FLVCR2: variants seen among roughly 807,000 people sequenced by gnomAD.
FLVCR2 encodes the protein FLVCR choline and putative heme transporter 2.
FLVCR2 carries 38 observed loss-of-function variants against 48.9 expected under a neutral mutation model. The observed-to-expected ratio is 0.78, with a 90% CI of 0.60 to 1.02. FLVCR2 has a LOEUF of 1.02. Among genes scored for constraint, FLVCR2 ranks in the 50% least tolerant of loss-of-function variants. The pLI, the probability that FLVCR2 is intolerant of heterozygous loss-of-function variation, is 0.00. For synonymous variants in FLVCR2, 255 were observed against 257.0 expected, an observed-to-expected ratio of 0.99 and a Z score of 0.07; for missense variants, 664 against 663.3, an observed-to-expected ratio of 1.00 and a Z score of -0.01.
At chr14:75,634,055 A>T (rs1890106684) in intron 4 of FLVCR2, among the ~76,000 whole-genome samples, 1 of 152,032 alleles carries the variant, frequency 6.6e-6, no homozygotes, top group Non-Finnish European at 1.5e-5. Flanking sequence ...TGTATTTATT[A>T]TACAGCATAG....
chr14:75,584,699 C>T (rs918303585), intron 1 of FLVCR2, among the ~76,000 whole-genome samples: 1 of 152,150 alleles, frequency 6.6e-6, no homozygotes, highest in African/African-American at 2.4e-5. Flanking sequence ...GTGAAGCCGG[C>T]AGTTATCAGC....
chr14:75,596,883 T>C (rs1716219641), intron 1 of FLVCR2, among the ~76,000 whole-genome samples: 1 of 151,094 alleles, frequency 6.6e-6, no homozygotes, highest in South Asian at 2.1e-4. Flanking sequence ...ATCATACTTG[T>C]CCTTCTGTAG....
rs777033551 is a variant in FLVCR2 at position 75,630,254 on chromosome 14, A to G, written c.953-3375A>G. ...ATTCTGACTTGCAGCAGAGTTGAGAACCTCTGAGGTAGCTGTGTGATGGGT... is the reference window on the plus strand; with the variant it reads ...ATTCTGACTTGCAGCAGAGTTGAGAGCCTCTGAGGTAGCTGTGTGATGGGT... On this transcript the variant is annotated intron_variant, in intron 3 of 9. Transcript: ENST00000238667. Among the ~76,000 whole-genome samples the G allele has an allele frequency of 4.1e-4, 63 of 152,140 alleles. 2 individuals carry two copies. In the Middle Eastern group the frequency reaches 0.014, roughly 33 times the overall value.
intron 1 of FLVCR2, among the ~76,000 whole-genome samples, chr14:75,612,050 T>A (rs977412941): frequency 1.3e-5 from 2 of 152,080 alleles, no homozygotes; most frequent in African/African-American, 4.8e-5. Context: ...GCCAATTTCC[T>A]CCACTTTAAA....
chr14:75,579,652 C>G lies in FLVCR2; in HGVS notation c.669+11C>G. 6.2e-7 allele frequency: 1 copy of G among 1,614,008 alleles called. No homozygotes were observed. The highest frequency in any genetic ancestry group is 8.5e-7 in the Non-Finnish European group (1 of 1,179,968). ...GTCTTTGGCAATCAGGTAGGTAGAA[C>G]AGTTTGTGAATGTTCCCAGGGGCGT... On this transcript the variant is annotated intron_variant, in intron 1 of 9. Transcript: ENST00000238667.
At chr14:75,592,688 T>TTAGAAATTTTTCTGCC (rs1167297825) in intron 1 of FLVCR2, among the ~76,000 whole-genome samples, 2 of 152,214 alleles carry the variant, frequency 1.3e-5, no homozygotes, top group Non-Finnish European at 2.9e-5. Flanking sequence ...ATTTTGCTGC[T>TTAGAAATTTTTCTGCC]TAGAAATTTT....
At position 75,624,698 on chromosome 14, in the gene FLVCR2, T is replaced by C; in HGVS notation, c.898T>C (p.Ser300Pro). 1 of 1,614,174 alleles carries C rather than the reference T, an allele frequency of 6.2e-7. No homozygotes were observed. The highest frequency in any genetic ancestry group is 8.5e-7 in the Non-Finnish European group (1 of 1,180,030). ...CTCTCCTGATGCCTCATACTTAGGT[T>C]CCATCGCCCGGCTCTTCAAAAATCT... ...LTSPDASYLG[S>P]IARLFKNLNF... The change falls in exon 3 of 10, where the codon TCC becomes CCC. Residue 300 changes from serine to proline, a missense_variant. Physicochemically the swap from Ser to Pro is moderately conservative, Grantham distance 74. Transcript: ENST00000238667.
chr14:75,593,028 C>A (rs990064177), intron 1 of FLVCR2, among the ~76,000 whole-genome samples: 1 of 152,206 alleles, frequency 6.6e-6, no homozygotes, highest in Non-Finnish European at 1.5e-5. Context: ...TTTCTATCAG[C>A]ATTTTGGTCA....
At chr14:75,587,619 G>T (rs1888783042) in intron 1 of FLVCR2, among the ~76,000 whole-genome samples, 1 of 152,196 alleles carries the variant, frequency 6.6e-6, no homozygotes, top group Non-Finnish European at 1.5e-5. Context: ...TTCTTGGTAT[G>T]CTCTGACCAG....
intron 6 of FLVCR2, among the ~76,000 whole-genome samples, chr14:75,640,205 G>A (rs1890275265): frequency 7.0e-6 from 1 of 142,062 alleles, no homozygotes; most frequent in African/African-American, 2.6e-5. Context: ...GTTGCAGTGA[G>A]CCAAGATCGA....
intron 9 of FLVCR2, 97 bp from the exon 10 acceptor site, chr14:75,646,304 T>A (rs138373260): frequency 1.2e-6 from 1 of 823,722 alleles, no homozygotes; most frequent in Admixed American, 1.9e-5. Context: ...CCGGCTCTTG[T>A]ATTCCCCACT....
In FLVCR2 at chr14:75,579,505, C is replaced by T. The variant is rs904423362; in HGVS notation, c.533C>T (p.Pro178Leu). Residue 178 changes from proline to leucine, a missense_variant, in exon 1 of 10, where the codon CCG becomes CTG. By Grantham distance (98) the Pro-to-Leu change is moderately conservative. Transcript: ENST00000238667. ...GGCAGCCTGAAGCCGCATCTCTTTC[C>T]GGTCACCGTGGTGGGCCAGCTCATC... ...KLGSLKPHLF[P>L]VTVVGQLICS... 3.1e-6 allele frequency: 5 copies of T among 1,612,796 alleles called. No homozygotes were observed. Among genetic ancestry groups the T allele is most frequent in the South Asian group, 1.1e-5 (1 of 91,042 alleles).
intron 2 of FLVCR2, among the ~76,000 whole-genome samples, chr14:75,622,927 T>G (rs1889801622): frequency 6.6e-6 from 1 of 152,190 alleles, no homozygotes. Flanking sequence ...TTGTACAAGT[T>G]AATCCCAACC....
intron 9 of FLVCR2, among the ~76,000 whole-genome samples, chr14:75,645,914 T>C (rs1452657676): frequency 7.7e-5 from 4 of 51,982 alleles, no homozygotes; most frequent in African/African-American, 8.4e-5. Flanking sequence ...TGAGACTCCA[T>C]CTCAAAAAAA....
chr14:75,626,424 A>T (rs768779394), intron 3 of FLVCR2, among the ~76,000 whole-genome samples: 3 of 151,844 alleles, frequency 2.0e-5, no homozygotes, highest in Non-Finnish European at 2.9e-5. Flanking sequence ...ACTAGATAAG[A>T]GGTGGCTTCA....
At position 75,646,461 on chromosome 14, in the gene FLVCR2, G is replaced by A. The variant is rs770770639; in HGVS notation, c.1570G>A (p.Asp524Asn). Residue 524 changes from aspartate to asparagine, a missense_variant, in exon 10 of 10, where the codon GAT (aspartate) becomes AAT (asparagine). Transcript: ENST00000238667. Reference protein sequence around the residue: ...TSKVPTAVSEDHL With the variant: ...TSKVPTAVSENHL Reference sequence around the variant, plus strand: ...CAAAGTGCCCACTGCTGTGTCAGAGGATCATCTCTGAGAGGAAGGTGGTGA... The same window carrying A: ...CAAAGTGCCCACTGCTGTGTCAGAGAATCATCTCTGAGAGGAAGGTGGTGA... 1.2e-6 allele frequency: 2 copies of A among 1,611,352 alleles called. No individual in the cohort carries two copies. Among genetic ancestry groups the A allele is most frequent in the Admixed American group, 3.3e-5 (2 of 60,026 alleles).
chr14:75,626,767 C>T (rs1041907931), intron 3 of FLVCR2, among the ~76,000 whole-genome samples: 8 of 151,876 alleles, frequency 5.3e-5, no homozygotes, highest in African/African-American at 1.9e-4. Context: ...CCCTTCTAGA[C>T]TCAGGATTCC....
At chr14:75,638,396 C>T (rs561152471) in intron 5 of FLVCR2, among the ~76,000 whole-genome samples, 1 of 152,058 alleles carries the variant, frequency 6.6e-6, no homozygotes, top group Admixed American at 6.5e-5. Flanking sequence ...GAGATCACGC[C>T]ACTGCACCCC....
In FLVCR2 at chr14:75,648,153, A is replaced by G. The variant is rs906861438; in HGVS notation, c.*1681A>G. Reference sequence around the variant, plus strand: ...TAAGATCTGACATTTCGAGGCAATAAAAACTTCTCAGAAAGTGGTCTGCCT... The same window carrying G: ...TAAGATCTGACATTTCGAGGCAATAGAAACTTCTCAGAAAGTGGTCTGCCT... On this transcript the variant is annotated 3_prime_UTR_variant, in exon 10 of 10. Transcript: ENST00000238667. 2.6e-5 allele frequency: 4 copies of G among 152,640 alleles called. No homozygotes were observed. Among genetic ancestry groups the G allele is most frequent in the African/African-American group, 9.7e-5 (4 of 41,450 alleles). The allele number at this position is 152,640 out of a possible 1,614,324, so 9.5% of individuals were successfully genotyped here.
Sources: gnomAD v4.1 joint callset for allele counts (sites outside exome capture counted in the v4.1 genomes callset) on GRCh38, gnomAD v4.1.1 for gene constraint, MANE v1.5 for transcripts, NCBI Gene and HGNC (gene_info 2026-07-23, HGNC 2026-07-21) for gene names.